The following GPR158 variants were observed in gnomAD, a reference collection of about 807,000 sequenced individuals.
The protein encoded by GPR158 is G protein-coupled receptor 158.
A neutral mutation model predicts 78.2 loss-of-function variants in GPR158; 30 were observed. That is an observed-to-expected ratio of 0.38 (90% confidence interval 0.29 to 0.52). The LOEUF (loss-of-function observed/expected upper bound fraction) is 0.52, where lower values mean the gene tolerates loss of function less well. Among genes scored for constraint, GPR158 ranks in the 20% least tolerant of loss-of-function variants. The probability of loss-of-function intolerance (pLI) is 0.83; values close to 1 mark genes in which losing one functional copy is unlikely to be tolerated. For synonymous variants in GPR158, 581 were observed against 591.1 expected (o/e 0.98, Z 0.25); for missense variants, 1,463 against 1,523.5 (o/e 0.96, Z 0.66).
chr10:25,274,629 T>C (rs1053554778), intron 2 of GPR158, among the ~76,000 whole-genome samples: 4 of 152,192 alleles, frequency 2.6e-5, no homozygotes, highest in African/African-American at 9.7e-5. Context: ...GATCCACACT[T>C]ACGATATATC....
intron 2 of GPR158, among the ~76,000 whole-genome samples, chr10:25,395,582 G>A (rs112009318): frequency 1.7e-3 from 263 of 152,114 alleles, no homozygotes; most frequent in Non-Finnish European, 3.3e-3. Flanking sequence ...ACTCTTATAG[G>A]CTTTGGAACA....
chr10:25,452,418 AG>A (rs1835233053), intron 4 of GPR158, among the ~76,000 whole-genome samples: 1 of 152,240 alleles, frequency 6.6e-6, no homozygotes, highest in Admixed American at 6.5e-5. Flanking sequence ...TAGCCAAAAA[AG>A]AAACAGAAAA....
intron 5 of GPR158, among the ~76,000 whole-genome samples, chr10:25,492,723 T>C (rs1835826390): frequency 6.6e-6 from 1 of 151,996 alleles, no homozygotes; most frequent in South Asian, 2.1e-4. Flanking sequence ...ACAATTTGCA[T>C]GAAGGGATAA....
intron 5 of GPR158, among the ~76,000 whole-genome samples, chr10:25,492,091 G>T (rs1835818559): frequency 6.6e-6 from 1 of 152,146 alleles, no homozygotes; most frequent in Non-Finnish European, 1.5e-5. Flanking sequence ...GAAGGCGAAG[G>T]GGAGCCAGCT....
chr10:25,363,616 C>A (rs78294384), intron 2 of GPR158, among the ~76,000 whole-genome samples: 5,123 of 151,982 alleles, frequency 0.034, 259 homozygotes, highest in African/African-American at 0.11. Flanking sequence ...GAGATGTGAT[C>A]TGATTAGATC....
intron 2 of GPR158, among the ~76,000 whole-genome samples, chr10:25,357,756 A>G (rs1564431683): frequency 6.6e-6 from 1 of 151,902 alleles, no homozygotes; most frequent in Non-Finnish European, 1.5e-5. Flanking sequence ...CTGCTAGGAC[A>G]GTGTGAAAGG....
At chr10:25,372,257 G>A (rs1415457708) in intron 2 of GPR158, among the ~76,000 whole-genome samples, 3 of 152,004 alleles carry the variant, frequency 2.0e-5, no homozygotes, top group Non-Finnish European at 2.9e-5. Flanking sequence ...TACACTGTTG[G>A]TGGGACTATA....
At chr10:25,307,754 C>T (rs533291165) in intron 2 of GPR158, among the ~76,000 whole-genome samples, 2 of 152,160 alleles carry the variant, frequency 1.3e-5, no homozygotes. Flanking sequence ...TACTTGTCTA[C>T]AGCTGTAGTG....
chr10:25,468,770 G>T (rs941818737), intron 5 of GPR158, among the ~76,000 whole-genome samples: 9 of 152,194 alleles, frequency 5.9e-5, no homozygotes, highest in African/African-American at 2.2e-4. Context: ...AGTGGTTATT[G>T]TGTGCCAAGC....
intron 2 of GPR158, among the ~76,000 whole-genome samples, chr10:25,342,790 T>C (rs963408116): frequency 2.4e-4 from 37 of 151,112 alleles, no homozygotes; most frequent in African/African-American, 7.1e-4. Context: ...TTTTTTTTTT[T>C]CTCAAATAAC....
At chr10:25,188,828 C>T (rs1852727692) in intron 1 of GPR158, among the ~76,000 whole-genome samples, 1 of 152,120 alleles carries the variant, frequency 6.6e-6, no homozygotes, top group Non-Finnish European at 1.5e-5. Context: ...AAAGAAACTA[C>T]CATCAGAGTG....
At chr10:25,223,563 A>C (rs2130685944) in intron 2 of GPR158, among the ~76,000 whole-genome samples, 1 of 152,316 alleles carries the variant, frequency 6.6e-6, no homozygotes, top group South Asian at 2.1e-4. Context: ...TGAGTTAGAG[A>C]TTAGAAGCTG....
chr10:25,531,941 C>T (rs1836428833), intron 5 of GPR158, among the ~76,000 whole-genome samples: 1 of 152,148 alleles, frequency 6.6e-6, no homozygotes, highest in Non-Finnish European at 1.5e-5. Context: ...TGATACCACT[C>T]TGCTCCTCTA....
chr10:25,364,271 A>T (rs868108943), intron 2 of GPR158, among the ~76,000 whole-genome samples: 3 of 151,896 alleles, frequency 2.0e-5, no homozygotes, highest in South Asian at 4.1e-4. Context: ...TCAATGATTC[A>T]TCCAAATCCT....
At chr10:25,235,446 C>G (rs888920718) in intron 2 of GPR158, among the ~76,000 whole-genome samples, 79 of 147,896 alleles carry the variant, frequency 5.3e-4, no homozygotes, top group African/African-American at 1.9e-3. Context: ...TTTTTAATGG[C>G]AAGAGCACCT....
At chr10:25,189,505 A>G (rs1360902788) in intron 1 of GPR158, among the ~76,000 whole-genome samples, 2 of 152,292 alleles carry the variant, frequency 1.3e-5, no homozygotes, top group South Asian at 2.1e-4. Flanking sequence ...ATAAAGCTGG[A>G]AACCGTCATT....
chr10:25,201,354 A>G (rs1372642998), intron 1 of GPR158, among the ~76,000 whole-genome samples: 1 of 152,124 alleles, frequency 6.6e-6, no homozygotes, highest in Non-Finnish European at 1.5e-5. Flanking sequence ...TTGATTTTGT[A>G]TCTTGAAACT....
intron 5 of GPR158, among the ~76,000 whole-genome samples, chr10:25,479,934 T>C (rs1269770468): frequency 6.6e-6 from 1 of 152,152 alleles, no homozygotes; most frequent in East Asian, 1.9e-4. Context: ...GTCTTTATTC[T>C]ATGACCTTTA....
At chr10:25,529,946 C>T (rs1384218925) in intron 5 of GPR158, among the ~76,000 whole-genome samples, 1 of 152,140 alleles carries the variant, frequency 6.6e-6, no homozygotes, top group Non-Finnish European at 1.5e-5. Flanking sequence ...CTCACTTTTC[C>T]ATCCGTTTGA....
Sources: allele counts gnomAD v4.1 joint callset (sites outside exome capture counted in the v4.1 genomes callset), GRCh38; gene constraint gnomAD v4.1.1; transcripts MANE v1.5; gene names NCBI Gene and HGNC (gene_info 2026-07-23, HGNC 2026-07-21).